The following UBE2V2 variants were observed in gnomAD, a reference collection of about 807,000 sequenced individuals.
UBE2V2 encodes ubiquitin conjugating enzyme E2 V2.
Under a neutral mutation model 17.2 loss-of-function variants are expected in UBE2V2, and 9 were observed. The ratio of observed to expected loss-of-function variants is 0.52; its 90% CI spans 0.32 to 0.91. The LOEUF (loss-of-function observed/expected upper bound fraction) is 0.91, where lower values mean the gene tolerates loss of function less well. Ranked by LOEUF, UBE2V2 falls within the 40% of genes least tolerant of loss-of-function variation. UBE2V2 has a pLI of 0.04. For missense variants in UBE2V2, 133 were observed against 182.6 expected (o/e 0.73, Z 1.56); for synonymous variants, 61 against 57.5 (o/e 1.06, Z -0.28).
At position 48,043,062 on chromosome 8, in the gene UBE2V2, T is replaced by C; in HGVS notation, c.46T>C (p.Leu16=). 2 of 1,576,072 alleles carry C rather than the reference T, an allele frequency of 1.3e-6. No homozygotes were observed. The highest frequency in any genetic ancestry group is 1.7e-6 in the Non-Finnish European group (2 of 1,160,892). The change falls in exon 2 of 4, where the codon TTG becomes CTG. Residue 16 remains leucine, a synonymous_variant. Transcript: ENST00000523111. ...GVKVPRNFRL[L]EELEEGQKGV... is the part of the protein sequence containing the mutation. The stretch of plus-strand genomic sequence containing the variant: ...TAAAGTTCCTCGTAATTTTCGCTTG[T>C]TGGAAGAACTTGAAGAAGGACAAAA...
chr8:48,010,238 A>AT (rs750999592), intron 1 of UBE2V2, among the ~76,000 whole-genome samples: 1,659 of 139,418 alleles, frequency 0.012, 27 homozygotes, highest in African/African-American at 0.036. Flanking sequence ...GGGAGTCTGT[A>AT]TTTTTTTTTT....
Position 48,017,999 on chromosome 8 carries a change from C to G in UBE2V2, c.16+9529C>G, listed in dbSNP as rs1415582431. Among the ~76,000 whole-genome samples, 3 of 151,970 alleles carry G rather than the reference C, an allele frequency of 2.0e-5. No individual in the cohort carries two copies. The East Asian group carries it at 5.9e-4, about 30-fold the overall frequency. On this transcript the variant is annotated intron_variant, in intron 1 of 3. Transcript: ENST00000523111. ...TACAGGTGCACGCCACCATACCTGG[C>G]TAATGTTTTGTATTTTTAGTAGAGA...
intron 1 of UBE2V2, among the ~76,000 whole-genome samples, chr8:48,010,399 G>GT (rs934421477): frequency 0.019 from 2,289 of 123,000 alleles, 38 homozygotes; most frequent in Non-Finnish European, 0.03. Flanking sequence ...CCATCTACTA[G>GT]TTTTTTTTTT....
chr8:48,000,425 A>G, the UBE2V2 span, among the ~76,000 whole-genome samples: 59 of 152,330 alleles, frequency 3.9e-4, 1 homozygote, highest in African/African-American at 1.4e-3. Context: ...GTGTTATCTA[A>G]TATAACTTTC....
intron 1 of UBE2V2, among the ~76,000 whole-genome samples, chr8:48,018,380 TC>T (rs1242366626): frequency 1.3e-5 from 2 of 152,186 alleles, no homozygotes; most frequent in African/African-American, 4.8e-5. Flanking sequence ...TCAATAAACT[TC>T]CTAATTTGTT....
intron 1 of UBE2V2, among the ~76,000 whole-genome samples, chr8:48,033,201 T>C (rs938864872): frequency 2.0e-5 from 3 of 152,142 alleles, no homozygotes; most frequent in Non-Finnish European, 4.4e-5. Context: ...ATTTTTTTTT[T>C]CCTGAGACGG....
intron 1 of UBE2V2, 136 bp downstream of exon 1, chr8:48,008,606 C>T (rs1003828429): frequency 7.5e-7 from 1 of 1,325,706 alleles, no homozygotes; most frequent in South Asian, 1.6e-5. Context: ...CTCCGCAGAG[C>T]GTAGCCTGGG....
At chr8:48,031,802 C>A (rs894785479) in intron 1 of UBE2V2, among the ~76,000 whole-genome samples, 1 of 152,096 alleles carries the variant, frequency 6.6e-6, no homozygotes, top group African/African-American at 2.4e-5. Flanking sequence ...TGTGCCACCA[C>A]TCTCGGCTAA....
chr8:48,031,564 A>G (rs966828576), intron 1 of UBE2V2, among the ~76,000 whole-genome samples: 1 of 152,172 alleles, frequency 6.6e-6, no homozygotes, highest in South Asian at 2.1e-4. Context: ...CACAGAATTG[A>G]GATACTTTGC....
intron 3 of UBE2V2, among the ~76,000 whole-genome samples, chr8:48,051,282 G>A (rs753873529): frequency 1.2e-4 from 19 of 152,168 alleles, no homozygotes; most frequent in Non-Finnish European, 2.5e-4. Flanking sequence ...TTGGTGCCAT[G>A]TTGAGAGCAC....
chr8:48,009,508 CG>C (rs1279161286), intron 1 of UBE2V2, among the ~76,000 whole-genome samples: 1 of 152,048 alleles, frequency 6.6e-6, no homozygotes, highest in African/African-American at 2.4e-5. Context: ...TCAGGTGATC[CG>C]CCCACTTCGG....
intron 1 of UBE2V2, among the ~76,000 whole-genome samples, chr8:48,025,607 C>CT (rs1362206354): frequency 1.6e-4 from 22 of 134,652 alleles, no homozygotes; most frequent in Admixed American, 4.6e-4. Context: ...TTTTTTCTTT[C>CT]TTTTTTTTTT....
intron 1 of UBE2V2, 165 bp downstream of exon 1, chr8:48,008,635 C>G (rs1274978493): frequency 9.7e-7 from 1 of 1,027,272 alleles, no homozygotes; most frequent in Non-Finnish European, 1.2e-6. Context: ...GGACCGGCGC[C>G]GAGGCCCCGG....
chr8:48,040,192 C>T (rs928697777), intron 1 of UBE2V2, among the ~76,000 whole-genome samples: 1 of 152,098 alleles, frequency 6.6e-6, no homozygotes, highest in Admixed American at 6.6e-5. Flanking sequence ...CTCTTCCCCC[C>T]TCCCTTCACA....
At chr8:48,000,360 C>T in the UBE2V2 span, among the ~76,000 whole-genome samples, 2 of 152,190 alleles carry the variant, frequency 1.3e-5, no homozygotes, top group African/African-American at 2.4e-5. Flanking sequence ...AAGTAAAATC[C>T]ACTGTGCAGC....
chr8:48,008,820 C>G (rs537589572), intron 1 of UBE2V2, among the ~76,000 whole-genome samples: 2 of 152,020 alleles, frequency 1.3e-5, no homozygotes, highest in Admixed American at 1.3e-4. Flanking sequence ...GTGTCAACCT[C>G]CGGCACCGAA....
At chr8:48,011,650 T>C (rs1249598446) in intron 1 of UBE2V2, among the ~76,000 whole-genome samples, 1 of 152,224 alleles carries the variant, frequency 6.6e-6, no homozygotes, top group Admixed American at 6.5e-5. Context: ...AAAAAACTTT[T>C]AATTAGACTG....
At chr8:48,057,176 T>C (rs2091578600) in intron 3 of UBE2V2, among the ~76,000 whole-genome samples, 1 of 152,266 alleles carries the variant, frequency 6.6e-6, no homozygotes, top group Non-Finnish European at 1.5e-5. Flanking sequence ...ATAGGAGTTG[T>C]ATTGAATCTC....
chr8:48,020,904 ATT>A (rs746968265), intron 1 of UBE2V2, among the ~76,000 whole-genome samples: 4 of 141,784 alleles, frequency 2.8e-5, no homozygotes, highest in Non-Finnish European at 6.2e-5. Context: ...TGCCCAGCTA[ATT>A]TTTTTTTTTT....
Sources: gnomAD v4.1 joint callset for allele counts (sites outside exome capture counted in the v4.1 genomes callset) on GRCh38, gnomAD v4.1.1 for gene constraint, MANE v1.5 for transcripts, NCBI Gene and HGNC (gene_info 2026-07-23, HGNC 2026-07-21) for gene names.